The following WWP1 variants were observed in gnomAD, a reference collection of about 807,000 sequenced individuals.
The protein encoded by WWP1 is NEDD4-like E3 ubiquitin-protein ligase WWP1.
WWP1 carries 49 observed loss-of-function variants against 130.6 expected under a neutral mutation model. The ratio of observed to expected loss-of-function variants is 0.38; its 90% confidence interval spans 0.30 to 0.48. The LOEUF (loss-of-function observed/expected upper bound fraction) is 0.48, where lower values mean the gene tolerates loss of function less well. Among genes scored for constraint, WWP1 ranks in the 20% least tolerant of loss-of-function variants. The pLI is 0.99. For missense variants in WWP1, 809 were observed against 1,100.6 expected (o/e 0.74, Z 3.75); for synonymous variants, 332 against 367.8 (o/e 0.90, Z 1.11).
At chr8:86,428,718 T>C (rs1809766718) in intron 11 of WWP1, among the ~76,000 whole-genome samples, 1 of 152,174 alleles carries the variant, frequency 6.6e-6, no homozygotes, top group Non-Finnish European at 1.5e-5. Context: ...CTGCCTTCAG[T>C]TGCTGGTTCT....
At chr8:86,438,365 G>A (rs1017026622) in intron 16 of WWP1, among the ~76,000 whole-genome samples, 3 of 151,986 alleles carry the variant, frequency 2.0e-5, no homozygotes, top group Non-Finnish European at 4.4e-5. Context: ...TCTTGTTTAC[G>A]GGTCAACTAT....
chr8:86,357,167 T>C (rs1190524622), intron 1 of WWP1, among the ~76,000 whole-genome samples: 1 of 152,194 alleles, frequency 6.6e-6, no homozygotes, highest in Non-Finnish European at 1.5e-5. Flanking sequence ...AGCTAAAAAT[T>C]ATCAATATGT....
intron 1 of WWP1, among the ~76,000 whole-genome samples, chr8:86,353,145 G>A (rs1027256395): frequency 3.1e-4 from 47 of 152,292 alleles, no homozygotes; most frequent in African/African-American, 1.0e-3. Flanking sequence ...CTTAGGGTAA[G>A]GGCGTTGACT....
At chr8:86,452,521 A>T in intron 20 of WWP1, 38 bp from the exon 21 acceptor site, 1 of 1,546,570 alleles carries the variant, frequency 6.5e-7, no homozygotes, top group African/African-American at 1.4e-5. Context: ...TACTTCACAT[A>T]TAAATTACCT....
intron 2 of WWP1, among the ~76,000 whole-genome samples, chr8:86,373,110 G>GA (rs1824427745): frequency 7.4e-6 from 1 of 136,004 alleles, no homozygotes. Flanking sequence ...GGTTTCTTTT[G>GA]ATTCACTAAA....
chr8:86,355,733 T>A (rs1313112969), intron 1 of WWP1, among the ~76,000 whole-genome samples: 2 of 152,180 alleles, frequency 1.3e-5, no homozygotes, highest in Non-Finnish European at 2.9e-5. Flanking sequence ...TTCTTTCTCT[T>A]TTAACCTTAA....
intron 2 of WWP1, among the ~76,000 whole-genome samples, chr8:86,369,668 A>G (rs1471182961): frequency 2.6e-5 from 4 of 152,132 alleles, no homozygotes; most frequent in Non-Finnish European, 5.9e-5. Flanking sequence ...TTAATTCCCT[A>G]ATAAGGTTCT....
intron 1 of WWP1, among the ~76,000 whole-genome samples, chr8:86,353,799 A>G (rs948208856): frequency 5.9e-5 from 9 of 152,134 alleles, no homozygotes; most frequent in African/African-American, 2.2e-4. Context: ...AGCCTATTGT[A>G]TCTGTTTGTT....
At chr8:86,349,521 C>T (rs946774174) in intron 1 of WWP1, among the ~76,000 whole-genome samples, 7 of 152,178 alleles carry the variant, frequency 4.6e-5, no homozygotes, top group South Asian at 4.1e-4. Context: ...ACAGGACTTA[C>T]GGAAAACTGT....
At chr8:86,412,694 C>G (rs753435651) in intron 9 of WWP1, among the ~76,000 whole-genome samples, 1 of 83,216 alleles carries the variant, frequency 1.2e-5, no homozygotes, top group East Asian at 2.4e-4. Flanking sequence ...TGTTAGTGTA[C>G]GTTGGTTTTT....
chr8:86,425,300 C>G lies in WWP1; in HGVS notation c.1139C>G (p.Pro380Arg). ...HNTRTTTWER[P>R]QPLPPGWERR... Reference sequence around the variant, plus strand: ...ACTCGAACTACCACATGGGAGAGACCACAACCTTTACCTCCAGGGTAATAT... The same window carrying G: ...ACTCGAACTACCACATGGGAGAGACGACAACCTTTACCTCCAGGGTAATAT... The change falls in exon 10 of 25, where the codon CCA becomes CGA. Residue 380 changes from proline (P) to arginine (R), a missense_variant. Transcript: ENST00000517970. 1 of 1,612,556 alleles carries G rather than the reference C, an allele frequency of 6.2e-7. No homozygotes were observed. The highest frequency in any genetic ancestry group is 1.7e-4 in the Middle Eastern group (1 of 6,048).
intron 5 of WWP1, among the ~76,000 whole-genome samples, chr8:86,387,943 T>C (rs914376853): frequency 1.3e-5 from 2 of 152,260 alleles, no homozygotes; most frequent in Non-Finnish European, 2.9e-5. Flanking sequence ...GGTTATATTC[T>C]GTATCTCTGC....
chr8:86,351,607 G>A (rs188569548), intron 1 of WWP1, among the ~76,000 whole-genome samples: 1 of 151,844 alleles, frequency 6.6e-6, no homozygotes, highest in African/African-American at 2.4e-5. Flanking sequence ...GGGATTTACA[G>A]GCATGAGCCA....
chr8:86,363,743 C>T (rs1823802114), intron 1 of WWP1, among the ~76,000 whole-genome samples: 1 of 149,456 alleles, frequency 6.7e-6, no homozygotes, highest in Non-Finnish European at 1.5e-5. Flanking sequence ...TTGCAGTGAG[C>T]CGAGATCGCA....
At chr8:86,395,982 C>G (rs1233890988) in intron 5 of WWP1, among the ~76,000 whole-genome samples, 1 of 152,188 alleles carries the variant, frequency 6.6e-6, no homozygotes, top group African/African-American at 2.4e-5. Flanking sequence ...GAAGCCAAAT[C>G]ACCAAATTCC....
intron 17 of WWP1, chr8:86,440,628 A>G (rs977897344): frequency 4.5e-6 from 2 of 443,694 alleles, no homozygotes; most frequent in Admixed American, 5.1e-5. Context: ...TTTTTTAGGA[A>G]TATATTAAGA....
intron 18 of WWP1, among the ~76,000 whole-genome samples, chr8:86,445,326 A>C (rs1056009007): frequency 2.0e-5 from 3 of 151,916 alleles, no homozygotes; most frequent in South Asian, 2.1e-4. Flanking sequence ...TAGTTTTTCA[A>C]CCCTTGCCTT....
intron 5 of WWP1, among the ~76,000 whole-genome samples, chr8:86,394,033 A>G (rs1586342437): frequency 6.6e-6 from 1 of 152,366 alleles, no homozygotes; most frequent in African/African-American, 2.4e-5. Context: ...CCCACCTGCC[A>G]GATGTGGATG....
chr8:86,427,883 T>C, intron 11 of WWP1, 66 bp downstream of exon 11: 3 of 1,467,490 alleles, frequency 2.0e-6, no homozygotes, highest in Non-Finnish European at 2.8e-6. Context: ...TTTTTTTTTT[T>C]TGCTATCCCT....
Sources: gnomAD v4.1 joint callset for allele counts (sites outside exome capture counted in the v4.1 genomes callset) on GRCh38, gnomAD v4.1.1 for gene constraint, MANE v1.5 for transcripts, NCBI Gene and HGNC (gene_info 2026-07-23, HGNC 2026-07-21) for gene names.